The following ANAPC5 variants were observed in gnomAD, a reference collection of about 807,000 sequenced individuals.
The protein encoded by ANAPC5 is anaphase promoting complex subunit 5.
ANAPC5 carries 60 observed loss-of-function variants against 91.3 expected under a neutral mutation model. The ratio of observed to expected loss-of-function variants is 0.66; its 90% confidence interval spans 0.53 to 0.81. The LOEUF (loss-of-function observed/expected upper bound fraction) is 0.81, where lower values mean the gene tolerates loss of function less well. Among genes scored for constraint, ANAPC5 ranks in the 40% least tolerant of loss-of-function variants. ANAPC5 has a pLI of 0.00. For missense variants in ANAPC5, 690 were observed against 931.5 expected (o/e 0.74, Z 3.37); for synonymous variants, 340 against 364.1 (o/e 0.93, Z 0.75).
At chr12:121,336,876 A>C (rs1230267086) in intron 6 of ANAPC5, among the ~76,000 whole-genome samples, 1 of 152,204 alleles carries the variant, frequency 6.6e-6, no homozygotes, top group African/African-American at 2.4e-5. Context: ...GATTTCCTTC[A>C]AGAACCTGGG....
At chr12:121,318,759 A>T in intron 13 of ANAPC5, 151 bp from the exon 14 acceptor site, 2 of 670,366 alleles carry the variant, frequency 3.0e-6, no homozygotes, top group East Asian at 5.9e-5. Flanking sequence ...GGTGGCTCAC[A>T]CCTGTAATCC....
At chr12:121,339,054 CTTTTTTTTTTTTTT>C in intron 5 of ANAPC5, among the ~76,000 whole-genome samples, 1 of 128,830 alleles carries the variant, frequency 7.8e-6, no homozygotes, top group Non-Finnish European at 1.7e-5. Context: ...ACTTTTTTTT[CTTTTTTTTTTTTTT>C]TTTTGAGACA....
At chr12:121,318,659 G>A (rs776074808) in intron 13 of ANAPC5, 51 bp from the exon 14 acceptor site, 1 of 1,435,182 alleles carries the variant, frequency 7.0e-7, no homozygotes, top group Non-Finnish European at 9.8e-7. Context: ...CACTTTGAGG[G>A]TAAGAATCTC....
At chr12:121,308,951 C>T (rs1050058836) in intron 16 of ANAPC5, among the ~76,000 whole-genome samples, 4 of 150,940 alleles carry the variant, frequency 2.7e-5, no homozygotes, top group African/African-American at 7.3e-5. Context: ...GAGTTCGACG[C>T]CAGCCTGGCC....
chr12:121,331,245 G>A (rs980287444), intron 8 of ANAPC5, 102 bp downstream of exon 8: 21 of 948,488 alleles, frequency 2.2e-5, no homozygotes, highest in Middle Eastern at 6.3e-4. Context: ...TTTTGCTGCT[G>A]AAGATCTCTG....
chr12:121,342,128 A>G lies in ANAPC5; in HGVS notation c.591-59T>C. ...ATTACACAAAAGTAAAAATGATAAC[A>G]TTTATAAAATCAGATGGATTCTTGT... On this transcript the variant is annotated intron_variant, in intron 4 of 16. Coordinates refer to ENST00000261819, the MANE Select transcript of ANAPC5 (RefSeq NM_016237.5). The surrounding 1 kb of genome is among the most constrained non-coding windows in gnomAD (Gnocchi z 4.1). The G allele has an allele frequency of 7.9e-7, 1 of 1,266,106 alleles. No homozygotes were observed. 78.4% of individuals were successfully genotyped at this position (1,266,106 alleles called of 1,614,324 possible).
At chr12:121,335,913 A>AT (rs1555273420) in intron 6 of ANAPC5, among the ~76,000 whole-genome samples, 190 bp from the exon 7 acceptor site, 3 of 152,208 alleles carry the variant, frequency 2.0e-5, no homozygotes, top group African/African-American at 7.2e-5. Context: ...CCCTAGAGGG[A>AT]GTCCACAAAT....
At chr12:121,352,004 A>T in intron 1 of ANAPC5, 130 bp downstream of exon 1, 1 of 869,398 alleles carries the variant, frequency 1.2e-6, no homozygotes, top group Non-Finnish European at 1.7e-6. Context: ...AGCTATCTTT[A>T]TTTCTTCACG....
chr12:121,316,072 A>C (rs1208888121), intron 15 of ANAPC5, among the ~76,000 whole-genome samples: 1 of 152,350 alleles, frequency 6.6e-6, no homozygotes, highest in African/African-American at 2.4e-5. Flanking sequence ...CACAATATAT[A>C]AATAATTTTT....
intron 15 of ANAPC5, among the ~76,000 whole-genome samples, chr12:121,313,109 T>C (rs1015094455): frequency 2.6e-5 from 4 of 152,188 alleles, no homozygotes; most frequent in Non-Finnish European, 5.9e-5. Context: ...ATGAATCACC[T>C]GAGGTCAGGC....
Position 121,342,415 on chromosome 12 carries a change from G to A in ANAPC5, c.591-346C>T, listed in dbSNP as rs1157467698. ...CCATATTCAAAAATTAACTCACAAG[G>A]ACTCAAAGACCTCAATGTGAGGCCA... On this transcript the variant is annotated intron_variant, in intron 4 of 16. Coordinates refer to ENST00000261819, the MANE Select transcript of ANAPC5 (RefSeq NM_016237.5). This position sits in a 1 kb window ranked among gnomAD's most constrained non-coding sequence, Gnocchi z 4.1. 1.3e-5 allele frequency among the ~76,000 whole-genome samples: 2 copies of A among 151,898 alleles called. No homozygotes were observed. Among genetic ancestry groups the A allele is most frequent in the Non-Finnish European group, 2.9e-5 (2 of 67,960 alleles).
chr12:121,320,216 CTG>C (rs1248529791), intron 12 of ANAPC5, among the ~76,000 whole-genome samples, 167 bp downstream of exon 12: 1 of 152,082 alleles, frequency 6.6e-6, no homozygotes, highest in African/African-American at 2.4e-5. Flanking sequence ...GAGTATGAGC[CTG>C]TGTTTTTAAA....
intron 15 of ANAPC5, among the ~76,000 whole-genome samples, chr12:121,316,445 TATTCAACCCC>T (rs1412205176): frequency 2.6e-5 from 4 of 151,910 alleles, no homozygotes; most frequent in African/African-American, 9.7e-5. Flanking sequence ...TGAAAACAGG[TATTCAACCCC>T]GGGCGCGGTG....
chr12:121,337,078 C>T (rs551252032), intron 6 of ANAPC5, among the ~76,000 whole-genome samples: 3 of 152,228 alleles, frequency 2.0e-5, no homozygotes, highest in East Asian at 1.9e-4. Flanking sequence ...ATTAGCTGGG[C>T]GTGGTGGCAC....
chr12:121,321,499 T>C (rs1416108761), intron 11 of ANAPC5, among the ~76,000 whole-genome samples: 1 of 150,528 alleles, frequency 6.6e-6, no homozygotes, highest in Non-Finnish European at 1.5e-5. Context: ...GGAATACAGG[T>C]GCATGCCACC....
Position 121,345,845 on chromosome 12 carries a change from G to A in ANAPC5, c.584C>T (p.Ser195Phe). 3 of 1,612,828 alleles carry A rather than the reference G, an allele frequency of 1.9e-6. No homozygotes were observed. The highest frequency in any genetic ancestry group is 2.5e-6 in the Non-Finnish European group (3 of 1,179,666). Residue 195 changes from serine (S) to phenylalanine (F), a missense_variant, in exon 4 of 17, where the codon TCT becomes TTT. Transcript: ENST00000261819. ...GTCAGAAAAGCCAAATTACCTTACA[G>A]ATACATCAAGTTCTTCTTTTTCCAT... ...RKMEKEELDV[S>F]VREEEVSCSG...
chr12:121,352,154 G>A lies in ANAPC5; in HGVS notation c.187C>T (p.Leu63=). The A allele has an allele frequency of 1.2e-6, 2 of 1,610,458 alleles. No individual in the cohort carries two copies. The highest frequency in any genetic ancestry group is 1.7e-6 in the Non-Finnish European group (2 of 1,177,408). ...SLMERRRLNQ[L]LLPLLQGPDI... is the part of the protein sequence containing the mutation. ...CTCACCTGCAGCAGGGGCAGGAGCA[G>A]CTGGTTGAGCCTCCGCCGCTCCATG... is the stretch of plus-strand genomic sequence containing the variant. The change falls in exon 1 of 17, where the codon CTG becomes TTG. Residue 63 remains leucine (L), a synonymous_variant. Transcript: ENST00000261819.
chr12:121,327,540 T>G, intron 10 of ANAPC5: 1 of 325,304 alleles, frequency 3.1e-6, no homozygotes, highest in Non-Finnish European at 5.5e-6. Context: ...TTTTCACGGG[T>G]GAATTCAGAC....
At chr12:121,319,937 T>C (rs1902528182) in intron 12 of ANAPC5, 119 bp from the exon 13 acceptor site, 6 of 1,022,096 alleles carry the variant, frequency 5.9e-6, no homozygotes, top group Non-Finnish European at 8.1e-6. Context: ...CATATTCTTT[T>C]TTGGGGGGAT....
Sources: gnomAD v4.1 joint callset for allele counts (sites outside exome capture counted in the v4.1 genomes callset) on GRCh38, gnomAD v4.1.1 for gene constraint, Gnocchi (gnomAD v3.1) non-coding constraint, MANE v1.5 for transcripts, NCBI Gene and HGNC (gene_info 2026-07-23, HGNC 2026-07-21) for gene names.